MSRA: variants seen among roughly 807,000 people sequenced by gnomAD.
MSRA encodes the protein methionine sulfoxide reductase A.
Under a neutral mutation model 31.3 loss-of-function variants are expected in MSRA, and 54 were observed. The ratio of observed to expected loss-of-function variants is 1.73; its 90% confidence interval spans 1.39 to 2.17. The LOEUF (loss-of-function observed/expected upper bound fraction) is 2.17. MSRA is among the 30% of genes most tolerant of loss of function. The probability of loss-of-function intolerance (pLI) is 0.00; values close to 1 mark genes in which losing one functional copy is unlikely to be tolerated. For missense variants in MSRA, 507 were observed against 300.9 expected, an observed-to-expected ratio of 1.69 and a Z score of -5.07; for synonymous variants, 169 against 116.5, an observed-to-expected ratio of 1.45 and a Z score of -2.90.
chr8:10,319,513 T>C (rs983491616), intron 4 of MSRA, among the ~76,000 whole-genome samples: 1 of 152,022 alleles, frequency 6.6e-6, no homozygotes, highest in East Asian at 1.9e-4. Flanking sequence ...TCCATACAGG[T>C]ATCTCCTTAG....
At position 10,309,971 on chromosome 8, in the gene MSRA, G is replaced by A. The variant is rs574185894; in HGVS notation, c.436+8333G>A. Among the ~76,000 whole-genome samples the A allele has an allele frequency of 1.7e-4, 26 of 152,320 alleles. No individual in the cohort carries two copies. In the South Asian group the frequency reaches 4.8e-3, roughly 28 times the overall value. On this transcript the variant is annotated intron_variant, in intron 4 of 5. Transcript: ENST00000317173. ...TGTCTACTGGGAAACATTCATTGAAGGGAGACAAATCCTATTTTCCTTCTG... is the reference window on the plus strand; with the variant it reads ...TGTCTACTGGGAAACATTCATTGAAAGGAGACAAATCCTATTTTCCTTCTG...
chr8:10,079,993 A>G (rs1017672653), intron 1 of MSRA, among the ~76,000 whole-genome samples: 3 of 152,170 alleles, frequency 2.0e-5, no homozygotes, highest in Non-Finnish European at 4.4e-5. Context: ...TACGCTTAGC[A>G]CTTTCTCTCT....
At chr8:10,390,751 C>T (rs1311071718) in intron 5 of MSRA, among the ~76,000 whole-genome samples, 1 of 151,986 alleles carries the variant, frequency 6.6e-6, no homozygotes, top group Non-Finnish European at 1.5e-5. Flanking sequence ...ATTCCAAAGG[C>T]GAAGACATTA....
At chr8:10,371,542 T>C (rs1805476702) in intron 5 of MSRA, among the ~76,000 whole-genome samples, 1 of 152,164 alleles carries the variant, frequency 6.6e-6, no homozygotes, top group South Asian at 2.1e-4. Context: ...AGAAACATTC[T>C]TTCTAGTTAG....
At chr8:10,108,394 C>G (rs1800040002) in intron 1 of MSRA, among the ~76,000 whole-genome samples, 2 of 152,190 alleles carry the variant, frequency 1.3e-5, no homozygotes. Flanking sequence ...GGAGTGACTC[C>G]CACTGACTTG....
intron 5 of MSRA, among the ~76,000 whole-genome samples, chr8:10,386,167 T>G (rs1806379149): frequency 6.6e-6 from 1 of 152,186 alleles, no homozygotes. Context: ...TCTTATGCAG[T>G]TCTCTGAGAT....
chr8:10,411,737 T>C (rs1318833277), intron 5 of MSRA, among the ~76,000 whole-genome samples: 2 of 152,244 alleles, frequency 1.3e-5, no homozygotes, highest in African/African-American at 4.8e-5. Flanking sequence ...AGTTGCTAAG[T>C]CTCATTTTTT....
chr8:10,407,349 G>A (rs572902467), intron 5 of MSRA, among the ~76,000 whole-genome samples: 1 of 152,314 alleles, frequency 6.6e-6, no homozygotes, highest in Admixed American at 6.5e-5. Flanking sequence ...GAGTCAGTAA[G>A]GGCAGGTGGA....
At chr8:10,268,752 C>T (rs181490799) in intron 3 of MSRA, among the ~76,000 whole-genome samples, 264 of 152,338 alleles carry the variant, frequency 1.7e-3, no homozygotes, top group African/African-American at 5.7e-3. Flanking sequence ...TTGAGCAGGG[C>T]TACAGTCTGA....
chr8:10,093,971 G>A (rs906740435), intron 1 of MSRA, among the ~76,000 whole-genome samples: 3 of 152,078 alleles, frequency 2.0e-5, no homozygotes, highest in African/African-American at 7.2e-5. Context: ...ATGAGAAATC[G>A]GCTGTTAATC....
intron 3 of MSRA, among the ~76,000 whole-genome samples, chr8:10,259,923 G>A (rs965426595): frequency 2.6e-5 from 4 of 152,240 alleles, no homozygotes; most frequent in Non-Finnish European, 4.4e-5. Flanking sequence ...TCCCTGGTGG[G>A]TGTTCTGCTG....
intron 5 of MSRA, among the ~76,000 whole-genome samples, chr8:10,400,219 G>A (rs1302723033): frequency 1.3e-5 from 2 of 152,092 alleles, no homozygotes; most frequent in Non-Finnish European, 2.9e-5. Context: ...GAATGGGATC[G>A]GGCTGGGGCA....
intron 5 of MSRA, among the ~76,000 whole-genome samples, chr8:10,394,083 CTA>C (rs1338952245): frequency 6.6e-6 from 1 of 152,222 alleles, no homozygotes; most frequent in Admixed American, 6.5e-5. Context: ...GAACTATGAG[CTA>C]GACGGCATCT....
chr8:10,379,420 A>G (rs1385987811), intron 5 of MSRA, among the ~76,000 whole-genome samples: 2 of 151,874 alleles, frequency 1.3e-5, no homozygotes, highest in East Asian at 1.9e-4. Flanking sequence ...TTCTCATTTC[A>G]CTCGCAGGTG....
chr8:10,054,675 C>A lies in MSRA; in HGVS notation c.142+17C>A. ...CTGTAGCGGGTAAGCACTGGCCACA[C>A]GGAAGGCGCGGGCGGCGACGCTGCG... On this transcript the variant is annotated intron_variant, in intron 1 of 5. Transcript: ENST00000317173. 6.7e-7 allele frequency: 1 copy of A among 1,496,132 alleles called. No individual in the cohort carries two copies. 92.7% of individuals were successfully genotyped at this position (1,496,132 alleles called of 1,614,324 possible). A position where few individuals can be genotyped will look rare whatever the true frequency, so the allele number is the denominator to read the frequency against.
chr8:10,157,167 C>G lies in MSRA; in HGVS notation c.143-50666C>G, dbSNP rs563036604. Among the ~76,000 whole-genome samples the G allele has an allele frequency of 4.6e-5, 7 of 152,108 alleles. No homozygotes were observed. The South Asian group carries it at 1.2e-3, about 27-fold the overall frequency. On this transcript the variant is annotated intron_variant, in intron 1 of 5. Transcript: ENST00000317173. The stretch of plus-strand genomic sequence containing the variant: ...TGCTACCTGTATGCCTGGAAATAAA[C>G]CATTTTACATAGTTTCTAATGGGAT...
chr8:10,095,435 T>C, intron 1 of MSRA: 1 of 982,176 alleles, frequency 1.0e-6, no homozygotes, highest in Non-Finnish European at 1.2e-6. Context: ...GTTTCCTGTT[T>C]TCAAATGTAT....
At chr8:10,213,365 A>G (rs62491577) in intron 2 of MSRA, among the ~76,000 whole-genome samples, 36,020 of 150,612 alleles carry the variant, frequency 0.24, 4,647 homozygotes, top group East Asian at 0.43. Flanking sequence ...TGCACTATGC[A>G]CTATGACAGG....
At position 10,069,607 on chromosome 8, in the gene MSRA, C is replaced by T. The variant is rs529242545; in HGVS notation, c.142+14949C>T. ...GGATTGGAGAAACAGTGTGTCCTCA[C>T]ATGGCAGAAGAACAGAAAAGTGAGC... On this transcript the variant is annotated intron_variant, in intron 1 of 5. Coordinates refer to ENST00000317173, the MANE Select transcript of MSRA (RefSeq NM_012331.5). 2.2e-4 allele frequency among the ~76,000 whole-genome samples: 34 copies of T among 152,312 alleles called. No individual in the cohort carries two copies. In the South Asian group the frequency reaches 5.6e-3, roughly 25 times the overall value.
Sources: gnomAD v4.1 joint callset for allele counts (sites outside exome capture counted in the v4.1 genomes callset) on GRCh38, gnomAD v4.1.1 for gene constraint, MANE v1.5 for transcripts, NCBI Gene and HGNC (gene_info 2026-07-23, HGNC 2026-07-21) for gene names.